Variants in LRMDA observed in about 807,000 individuals in gnomAD.
LRMDA encodes leucine-rich melanocyte differentiation-associated protein.
LRMDA carries 18 observed loss-of-function variants against 29.8 expected under a neutral mutation model. That is an observed-to-expected ratio of 0.60 (90% CI 0.42 to 0.90). LRMDA has a LOEUF of 0.90. Ranked by LOEUF, LRMDA falls within the 40% of genes least tolerant of loss-of-function variation. The pLI, the probability that LRMDA is intolerant of heterozygous loss-of-function variation, is 0.00. For missense variants in LRMDA, 273 were observed against 273.9 expected (o/e 1.00, Z 0.02); for synonymous variants, 125 against 109.4 (o/e 1.14, Z -0.89).
chr10:76,095,829 G>A (rs1849303657), intron 5 of LRMDA, among the ~76,000 whole-genome samples: 1 of 152,016 alleles, frequency 6.6e-6, no homozygotes, highest in Non-Finnish European at 1.5e-5. Flanking sequence ...TTTGGTTAAA[G>A]TCGGTTCAAA....
chr10:76,414,152 C>T (rs1841991178), intron 6 of LRMDA, among the ~76,000 whole-genome samples: 1 of 152,212 alleles, frequency 6.6e-6, no homozygotes, highest in Non-Finnish European at 1.5e-5. Context: ...GTTATCTGAG[C>T]TTCAGCTTCC....
chr10:76,085,810 C>A (rs1350404878), intron 5 of LRMDA, among the ~76,000 whole-genome samples: 2 of 152,170 alleles, frequency 1.3e-5, no homozygotes, highest in Non-Finnish European at 2.9e-5. Context: ...TCTAGTGATC[C>A]TGGCTTCCTC....
intron 6 of LRMDA, among the ~76,000 whole-genome samples, chr10:76,469,377 C>T (rs1842596056): frequency 6.6e-6 from 1 of 152,164 alleles, no homozygotes; most frequent in Non-Finnish European, 1.5e-5. Flanking sequence ...CTCCCCCCAA[C>T]TCAAATGTGG....
chr10:76,311,452 A>T (rs1367857035), intron 5 of LRMDA, among the ~76,000 whole-genome samples: 1 of 152,214 alleles, frequency 6.6e-6, no homozygotes, highest in Non-Finnish European at 1.5e-5. Context: ...GTGAAAAAAG[A>T]TCTGTAAATT....
chr10:75,998,046 A>G (rs1281867947), intron 2 of LRMDA, among the ~76,000 whole-genome samples: 1 of 152,106 alleles, frequency 6.6e-6, no homozygotes, highest in Non-Finnish European at 1.5e-5. Flanking sequence ...AGATGCGTTA[A>G]TTCAGTCCTG....
chr10:75,969,432 C>T (rs1356644138), intron 2 of LRMDA, among the ~76,000 whole-genome samples: 1 of 152,138 alleles, frequency 6.6e-6, no homozygotes, highest in Non-Finnish European at 1.5e-5. Context: ...GTTCTCTTTC[C>T]TCCTAAGCAA....
At chr10:75,996,613 G>C (rs945553031) in intron 2 of LRMDA, among the ~76,000 whole-genome samples, 2 of 152,098 alleles carry the variant, frequency 1.3e-5, no homozygotes, top group Non-Finnish European at 2.9e-5. Flanking sequence ...CACTTGAATT[G>C]CATATCATTC....
At chr10:76,469,812 C>T (rs1004662834) in intron 6 of LRMDA, among the ~76,000 whole-genome samples, 2 of 152,070 alleles carry the variant, frequency 1.3e-5, no homozygotes, top group African/African-American at 4.8e-5. Context: ...AAGGACTAGC[C>T]TCAAAAACTT....
At position 76,295,689 on chromosome 10, in the gene LRMDA, A is replaced by G. The variant is rs1840403161; in HGVS notation, c.517-28712A>G. Among the ~76,000 whole-genome samples the G allele has an allele frequency of 2.6e-5, 4 of 152,174 alleles. No homozygotes were observed. The South Asian group carries it at 8.3e-4, about 32-fold the overall frequency. Reference sequence around the variant, plus strand: ...GTGCTAAAAGGACTATAGTATCCCTATTGCCTTTCACTGCCCTCTAACTCT... The same window carrying G: ...GTGCTAAAAGGACTATAGTATCCCTGTTGCCTTTCACTGCCCTCTAACTCT... On this transcript the variant is annotated intron_variant, in intron 5 of 6. Coordinates refer to ENST00000611255, the MANE Select transcript of LRMDA (RefSeq NM_001305581.2).
intron 6 of LRMDA, among the ~76,000 whole-genome samples, chr10:76,363,153 GAA>G (rs1349753798): frequency 2.0e-4 from 8 of 39,392 alleles, no homozygotes; most frequent in Middle Eastern, 0.013. Flanking sequence ...AAGAAAGAAA[GAA>G]AGAAAGAAAG....
intron 6 of LRMDA, among the ~76,000 whole-genome samples, chr10:76,530,129 C>T (rs1843218552): frequency 6.6e-6 from 1 of 152,128 alleles, no homozygotes; most frequent in Non-Finnish European, 1.5e-5. Context: ...AAAGCATGGA[C>T]ATGCCATTTA....
chr10:75,625,044 G>A (rs1201315610), intron 2 of LRMDA, among the ~76,000 whole-genome samples: 1 of 152,196 alleles, frequency 6.6e-6, no homozygotes. Flanking sequence ...AGTTTGGGCA[G>A]GATAGTCCTG....
intron 2 of LRMDA, among the ~76,000 whole-genome samples, chr10:75,513,128 C>T (rs774307509): frequency 6.6e-6 from 1 of 152,150 alleles, no homozygotes; most frequent in Non-Finnish European, 1.5e-5. Flanking sequence ...TCACCAGGGC[C>T]ATCTGACTTG....
chr10:75,813,877 C>T (rs1037573222), intron 2 of LRMDA, among the ~76,000 whole-genome samples: 2 of 152,134 alleles, frequency 1.3e-5, no homozygotes, highest in Non-Finnish European at 2.9e-5. Context: ...TAGTTACTGT[C>T]CTAGAAAAAT....
intron 5 of LRMDA, among the ~76,000 whole-genome samples, chr10:76,221,607 T>G (rs1161890912): frequency 3.9e-5 from 6 of 152,228 alleles, no homozygotes; most frequent in South Asian, 4.2e-4. Flanking sequence ...CACTGCTCAA[T>G]TAAATAAAAG....
intron 2 of LRMDA, among the ~76,000 whole-genome samples, chr10:75,761,721 G>T (rs969071169): frequency 1.3e-5 from 2 of 151,520 alleles, no homozygotes; most frequent in African/African-American, 4.8e-5. Flanking sequence ...CAATAAAAAA[G>T]AAGGATATCT....
Position 76,338,073 on chromosome 10 carries a change from G to GAAAAAAAAA in LRMDA, c.601+13593_601+13601dup, listed in dbSNP as rs71788669. 5.2e-5 allele frequency among the ~76,000 whole-genome samples: 7 copies of GAAAAAAAAA among 134,178 alleles called. No homozygotes were observed. The East Asian group carries it at 8.4e-4, about 16-fold the overall frequency. 88.0% of individuals were successfully genotyped at this position (134,178 alleles called of 152,430 possible). On this transcript the variant is annotated intron_variant, in intron 6 of 6. Transcript: ENST00000611255. ...AAATGCTGTTACCCTTCTCCTTATA[G>GAAAAAAAAA]AAAAAAAAAAAAACAATTCCCAAAT... is the stretch of plus-strand genomic sequence containing the variant.
intron 6 of LRMDA, among the ~76,000 whole-genome samples, chr10:76,503,680 T>C (rs1354134977): frequency 6.6e-6 from 1 of 151,814 alleles, no homozygotes; most frequent in Non-Finnish European, 1.5e-5. Flanking sequence ...AATGTCATCT[T>C]TGTCACTTCT....
chr10:75,678,722 A>T (rs549051984), intron 2 of LRMDA, among the ~76,000 whole-genome samples: 4 of 152,212 alleles, frequency 2.6e-5, no homozygotes, highest in African/African-American at 7.2e-5. Context: ...CATGACAGAT[A>T]TTACAGATAT....
Sources: allele counts gnomAD v4.1 joint callset (sites outside exome capture counted in the v4.1 genomes callset), GRCh38; gene constraint gnomAD v4.1.1; transcripts MANE v1.5; gene names NCBI Gene and HGNC (gene_info 2026-07-23, HGNC 2026-07-21).